KIAA1614: variants seen among roughly 807,000 people sequenced by gnomAD.
The protein encoded by KIAA1614 is uncharacterized protein KIAA1614.
In KIAA1614, 76 loss-of-function variants were observed where a neutral mutation model predicts 88.7. That is an observed-to-expected ratio of 0.86 (90% CI 0.71 to 1.04). The LOEUF is 1.04. Ranked by LOEUF, KIAA1614 falls within the 50% of genes least tolerant of loss-of-function variation. The probability of loss-of-function intolerance (pLI) is 0.00; values close to 1 mark genes in which losing one functional copy is unlikely to be tolerated. For synonymous variants in KIAA1614, 714 were observed against 675.5 expected, an observed-to-expected ratio of 1.06 and a Z score of -0.88; for missense variants, 1,553 against 1,582.5, an observed-to-expected ratio of 0.98 and a Z score of 0.32.
intron 4 of KIAA1614, among the ~76,000 whole-genome samples, chr1:180,930,454 A>G (rs980434459): frequency 1.3e-5 from 2 of 152,156 alleles, no homozygotes; most frequent in African/African-American, 4.8e-5. Context: ...TCTTCAGGGC[A>G]TCCTAACTAT....
Position 180,936,566 on chromosome 1 carries a change from C to G in KIAA1614, c.2657C>G (p.Pro886Arg). 6.2e-7 allele frequency: 1 copy of G among 1,613,660 alleles called. No homozygotes were observed. Among genetic ancestry groups the G allele is most frequent in the South Asian group, 1.1e-5 (1 of 91,036 alleles). ...LSTNNCNNSAPRGLQEPYGGA... is the reference protein window; with the variant it reads ...LSTNNCNNSARRGLQEPYGGA... ...ACCAACAACTGCAACAACAGCGCAC[C>G]TCGGGGGCTGCAGGAGCCCTACGGG... The change falls in exon 5 of 9, where the codon CCT (proline) becomes CGT (arginine). Residue 886 changes from proline (P) to arginine (R), a missense_variant. Pro to Arg is a moderately radical substitution (Grantham distance 103). Transcript: ENST00000367588.
rs1188191086 is a variant in KIAA1614, at chr1:180,913,298, G to A, written c.50+5G>A. On this transcript the variant is annotated splice_donor_5th_base_variant and intron_variant, in intron 1 of 8. Transcript: ENST00000367588. ...ACCCGCGGGCGGCAGCCCCCAGTGA[G>A]TATAGAGGAGGCAGCGCCGGGCCGG... 1.2e-5 allele frequency: 15 copies of A among 1,249,340 alleles called. No individual in the cohort carries two copies. Among genetic ancestry groups the A allele is most frequent in the Non-Finnish European group, 1.4e-5 (14 of 990,362 alleles). 77.4% of individuals were successfully genotyped at this position (1,249,340 alleles called of 1,614,324 possible). A position where few individuals can be genotyped will look rare whatever the true frequency, so the allele number is the denominator to read the frequency against.
At chr1:180,942,725 C>T (rs998429752) in intron 7 of KIAA1614, among the ~76,000 whole-genome samples, 2 of 152,164 alleles carry the variant, frequency 1.3e-5, no homozygotes, top group Non-Finnish European at 2.9e-5. Context: ...ATCAGGACTT[C>T]CATCTCTGTA....
intron 8 of KIAA1614, chr1:180,944,738 C>T (rs944234): frequency 1 from 409,102 of 409,950 alleles, 204,137 homozygotes; most frequent in East Asian, 1. Context: ...GGCCTGGGGT[C>T]GCTGGAGGGG....
At chr1:180,931,133 G>A (rs1424738601) in intron 4 of KIAA1614, among the ~76,000 whole-genome samples, 4 of 152,232 alleles carry the variant, frequency 2.6e-5, no homozygotes, top group African/African-American at 9.6e-5. Context: ...CATTTTTCTG[G>A]AAACAAATTA....
rs202229884 is a variant in KIAA1614 at position 180,941,044 on chromosome 1, G to C, written c.2919-1G>C. On this transcript the variant is annotated splice_acceptor_variant, in intron 6 of 8. Transcript: ENST00000367588. LOFTEE classifies it high-confidence loss of function. ...CCCTCACCTCCACCCTTGTGTTTCAGAGCATCAGCAGGAGCTGGCACAGGA... is the reference window on the plus strand; with the variant it reads ...CCCTCACCTCCACCCTTGTGTTTCACAGCATCAGCAGGAGCTGGCACAGGA... 894 of 1,215,446 alleles carry C rather than the reference G, an allele frequency of 7.4e-4. No homozygotes were observed. The highest frequency in any genetic ancestry group is 8.7e-4 in the Non-Finnish European group (804 of 919,708). The allele number at this position is 1,215,446 out of a possible 1,614,324, so 75.3% of individuals were successfully genotyped here.
Position 180,916,570 on chromosome 1 carries a change from T to A in KIAA1614, c.467T>A (p.Ile156Asn). 6.2e-7 allele frequency: 1 copy of A among 1,610,646 alleles called. No individual in the cohort carries two copies. Among genetic ancestry groups the A allele is most frequent in the Non-Finnish European group, 8.5e-7 (1 of 1,177,966 alleles). The change falls in exon 2 of 9, where the codon ATC becomes AAC. Residue 156 changes from isoleucine (I) to asparagine (N), a missense_variant. Transcript: ENST00000367588. The stretch of plus-strand genomic sequence containing the variant: ...CCTGATGGGCAGCTGGACGGCAGCA[T>A]CAATGAGGAGCAACCCGCCAGGGAT... Reference protein sequence around the residue: ...NLPDGQLDGSINEEQPARDGG... With the variant: ...NLPDGQLDGSNNEEQPARDGG...
chr1:180,950,621 C>A lies in KIAA1614; in HGVS notation c.*5033C>A. 1.4e-6 allele frequency: 1 copy of A among 694,664 alleles called. No homozygotes were observed. Among genetic ancestry groups the A allele is most frequent in the Non-Finnish European group, 1.8e-6 (1 of 555,814 alleles). The allele number at this position is 694,664 out of a possible 1,614,324, so 43.0% of individuals were successfully genotyped here. On this transcript the variant is annotated 3_prime_UTR_variant, in exon 9 of 9. Transcript: ENST00000367588. The stretch of plus-strand genomic sequence containing the variant: ...GGCAGGAACGTGCTGCACAGAGCTG[C>A]TCTGTGGCGGAAACAGATCCTGGCA...
At position 180,935,008 on chromosome 1, in the gene KIAA1614, G is replaced by A; in HGVS notation, c.1206-107G>A. 1 of 829,044 alleles carries A rather than the reference G, an allele frequency of 1.2e-6. No individual in the cohort carries two copies. 51.4% of individuals were successfully genotyped at this position (829,044 alleles called of 1,614,324 possible). The stretch of plus-strand genomic sequence containing the variant: ...AACCTTGTGGGTTGCGGTTGCCACA[G>A]AGCACGGTGGGAGACTGTAGCCCAG... On this transcript the variant is annotated intron_variant, in intron 4 of 8. Coordinates refer to ENST00000367588, the MANE Select transcript of KIAA1614 (RefSeq NM_020950.2). This position sits in a 1 kb window ranked among gnomAD's most constrained non-coding sequence, Gnocchi z 6.1.
At chr1:180,942,922 A>T (rs1654499929) in intron 7 of KIAA1614, among the ~76,000 whole-genome samples, 2 of 152,160 alleles carry the variant, frequency 1.3e-5, no homozygotes, top group Non-Finnish European at 2.9e-5. Flanking sequence ...AAAAAAGAAG[A>T]TAAAGGAAGA....
intron 4 of KIAA1614, among the ~76,000 whole-genome samples, chr1:180,932,237 C>A (rs1442201756): frequency 6.6e-6 from 1 of 152,120 alleles, no homozygotes; most frequent in Non-Finnish European, 1.5e-5. Flanking sequence ...GTAGTGAGAT[C>A]CTGCACCGTC....
At position 180,928,297 on chromosome 1, in the gene KIAA1614, C is replaced by T. The variant is rs537099936; in HGVS notation, c.1062-133C>T. Reference sequence around the variant, plus strand: ...AGGCTGGGTTCCCTGTGCGTGGGTGCTAGAGGAGGAAGGCTGCACATGCAG... The same window carrying T: ...AGGCTGGGTTCCCTGTGCGTGGGTGTTAGAGGAGGAAGGCTGCACATGCAG... On this transcript the variant is annotated intron_variant, in intron 3 of 8. Coordinates refer to ENST00000367588, the MANE Select transcript of KIAA1614 (RefSeq NM_020950.2). 5.6e-4 allele frequency: 621 copies of T among 1,117,556 alleles called. 10 individuals carry two copies. The Middle Eastern group carries it at 0.015, about 26-fold the overall frequency. The allele number at this position is 1,117,556 out of a possible 1,614,324, so 69.2% of individuals were successfully genotyped here. A position where few individuals can be genotyped will look rare whatever the true frequency, so the allele number is the denominator to read the frequency against.
chr1:180,944,857 TA>T (rs914111122), intron 8 of KIAA1614: 24 of 254,186 alleles, frequency 9.4e-5, no homozygotes, highest in African/African-American at 5.2e-4. Context: ...AATAAACACA[TA>T]GAGACAGAGG....
intron 3 of KIAA1614, among the ~76,000 whole-genome samples, chr1:180,926,361 C>T (rs1309050591): frequency 1.3e-5 from 2 of 152,082 alleles, no homozygotes; most frequent in Non-Finnish European, 2.9e-5. Context: ...TGCCACTCCT[C>T]CATGCTCAGT....
rs1654719625 is a variant in KIAA1614 at position 180,951,178 on chromosome 1, G to A, written c.*5590G>A. On this transcript the variant is annotated 3_prime_UTR_variant, in exon 9 of 9. Coordinates refer to ENST00000367588, the MANE Select transcript of KIAA1614 (RefSeq NM_020950.2). ...TAGCCAGAATATTAAAAATTTCTAG[G>A]AAAATTTTTTTATACATAAAGTTGA... 4 of 151,966 alleles carry A rather than the reference G, an allele frequency of 2.6e-5. No homozygotes were observed. Among genetic ancestry groups the A allele is most frequent in the Admixed American group, 2.6e-4 (4 of 15,210 alleles). 9.4% of individuals were successfully genotyped at this position (151,966 alleles called of 1,614,324 possible).
At chr1:180,931,355 AG>A (rs973693425) in intron 4 of KIAA1614, among the ~76,000 whole-genome samples, 4 of 152,192 alleles carry the variant, frequency 2.6e-5, no homozygotes, top group Non-Finnish European at 2.9e-5. Context: ...TTGTGTGGTT[AG>A]GGGAGCAATG....
At position 180,936,622 on chromosome 1, in the gene KIAA1614, G is replaced by A; in HGVS notation, c.2713G>A (p.Gly905Ser). ...CGTCCACGAGGGTAGGGTGGAGAGG[G>A]GCCCCTGCAGCCGGGAACCGGAGCC... ...GAVHEGRVER[G>S]PCSREPEPPL... Residue 905 changes from glycine to serine, a missense_variant, in exon 5 of 9, where the codon GGC (glycine) becomes AGC (serine). Coordinates refer to ENST00000367588, the MANE Select transcript of KIAA1614 (RefSeq NM_020950.2). 1 of 1,591,658 alleles carries A rather than the reference G, an allele frequency of 6.3e-7. No individual in the cohort carries two copies. The highest frequency in any genetic ancestry group is 8.5e-7 in the Non-Finnish European group (1 of 1,170,868).
intron 4 of KIAA1614, among the ~76,000 whole-genome samples, chr1:180,934,383 G>A (rs1352361836): frequency 6.6e-6 from 1 of 152,100 alleles, no homozygotes; most frequent in East Asian, 1.9e-4. Context: ...GCGCCCAGGA[G>A]TTTGAGACCA....
chr1:180,918,702 C>T (rs921217670), intron 3 of KIAA1614, among the ~76,000 whole-genome samples: 4 of 152,160 alleles, frequency 2.6e-5, no homozygotes, highest in Admixed American at 1.3e-4. Flanking sequence ...GTGGTTTCTG[C>T]GGAGGGCAGA....
Sources: allele counts gnomAD v4.1 joint callset (sites outside exome capture counted in the v4.1 genomes callset), GRCh38; gene constraint gnomAD v4.1.1; non-coding constraint Gnocchi (gnomAD v3.1); transcripts MANE v1.5; gene names NCBI Gene and HGNC (gene_info 2026-07-23, HGNC 2026-07-21).